SNX8: variants seen among roughly 807,000 people sequenced by gnomAD.
SNX8 encodes sorting nexin 8.
Under a neutral mutation model 51.6 loss-of-function variants are expected in SNX8, and 25 were observed. That is an observed-to-expected ratio of 0.48 (90% CI 0.35 to 0.68). The LOEUF is 0.68. SNX8 is among the 30% of genes least tolerant of loss of function. SNX8 has a pLI of 0.00. For synonymous variants in SNX8, 324 were observed against 277.0 expected, an observed-to-expected ratio of 1.17 and a Z score of -1.68; for missense variants, 695 against 624.0, an observed-to-expected ratio of 1.11 and a Z score of -1.21.
At chr7:2,274,741 G>A (rs970934418) in intron 3 of SNX8, among the ~76,000 whole-genome samples, 1 of 152,208 alleles carries the variant, frequency 6.6e-6, no homozygotes, top group Non-Finnish European at 1.5e-5. Flanking sequence ...ATGCAGGCAG[G>A]GCAATGCCAG....
At chr7:2,294,796 AG>A (rs1379640550) in intron 1 of SNX8, among the ~76,000 whole-genome samples, 1 of 152,144 alleles carries the variant, frequency 6.6e-6, no homozygotes, top group Non-Finnish European at 1.5e-5. Flanking sequence ...GCACTTTGTG[AG>A]GCCAAACAGG....
chr7:2,269,525 A>G, intron 5 of SNX8, 34 bp downstream of exon 5: 1 of 1,030,312 alleles, frequency 9.7e-7, no homozygotes, highest in Non-Finnish European at 1.3e-6. Context: ...AAATAAATTA[A>G]AAAAAAAAAA....
intron 1 of SNX8, among the ~76,000 whole-genome samples, chr7:2,326,481 C>A (rs548620003): frequency 2.0e-5 from 3 of 151,466 alleles, no homozygotes; most frequent in African/African-American, 7.3e-5. Flanking sequence ...CTGGCTAACG[C>A]GGTGAAACCC....
intron 2 of SNX8, among the ~76,000 whole-genome samples, chr7:2,277,366 A>G (rs902136762): frequency 2.6e-5 from 4 of 152,202 alleles, no homozygotes; most frequent in Admixed American, 2.0e-4. Context: ...TGATCCTGCC[A>G]TGCAAATTTC....
At chr7:2,330,589 G>A (rs917106539) in intron 1 of SNX8, among the ~76,000 whole-genome samples, 1 of 152,110 alleles carries the variant, frequency 6.6e-6, no homozygotes, top group African/African-American at 2.4e-5. Flanking sequence ...CCAGACTTGT[G>A]ATCAGGGTCT....
In SNX8 at chr7:2,264,526, C is replaced by T. The variant is rs977585539; in HGVS notation, c.622-68G>A. 2.3e-5 allele frequency: 35 copies of T among 1,514,404 alleles called. No homozygotes were observed. In the African/African-American group the frequency reaches 2.5e-4, roughly 11 times the overall value. The allele number at this position is 1,514,404 out of a possible 1,614,324, so 93.8% of individuals were successfully genotyped here. A position where few individuals can be genotyped will look rare whatever the true frequency, so the allele number is the denominator to read the frequency against. Reference sequence around the variant, plus strand: ...GGAGCACCTGTCAGACGGCAGCAGCCGGTCCCCCAGAAGCTGAGCCACGGG... The same window carrying T: ...GGAGCACCTGTCAGACGGCAGCAGCTGGTCCCCCAGAAGCTGAGCCACGGG... On this transcript the variant is annotated intron_variant, in intron 5 of 10. Coordinates refer to ENST00000222990, the MANE Select transcript of SNX8 (RefSeq NM_013321.4).
At chr7:2,296,823 A>G (rs1008027996) in intron 1 of SNX8, among the ~76,000 whole-genome samples, 4 of 151,684 alleles carry the variant, frequency 2.6e-5, no homozygotes, top group Admixed American at 2.0e-4. Flanking sequence ...CCAGCTACTC[A>G]GGAGGCTGAG....
At chr7:2,352,423 G>C (rs1779165477) in intron 1 of SNX8, among the ~76,000 whole-genome samples, 1 of 152,038 alleles carries the variant, frequency 6.6e-6, no homozygotes, top group Non-Finnish European at 1.5e-5. Flanking sequence ...GAGAGACACA[G>C]ACACACCACC....
intron 5 of SNX8, among the ~76,000 whole-genome samples, chr7:2,266,351 A>AT (rs60169934): frequency 0.71 from 104,976 of 148,328 alleles, 37,414 homozygotes; most frequent in Non-Finnish European, 0.77. Context: ...AGCCTGGCTA[A>AT]TTTTTTTTTT....
At chr7:2,266,448 G>A (rs1006205303) in intron 5 of SNX8, among the ~76,000 whole-genome samples, 90 of 152,166 alleles carry the variant, frequency 5.9e-4, no homozygotes, top group African/African-American at 2.1e-3. Flanking sequence ...CTAGGTTCAA[G>A]CAATTCTCCT....
At chr7:2,314,258 C>G (rs1216713977) in intron 1 of SNX8, 70 bp downstream of exon 1, 1 of 1,209,136 alleles carries the variant, frequency 8.3e-7, no homozygotes, top group African/African-American at 1.6e-5. Flanking sequence ...GGCGGCTGAG[C>G]CCCGTCCGCC....
Position 2,263,298 on chromosome 7 carries a change from A to AC in SNX8, c.846dup (p.Ser283ValfsTer25). 1 of 1,613,584 alleles carries AC rather than the reference A, an allele frequency of 6.2e-7. No homozygotes were observed. Among genetic ancestry groups the AC allele is most frequent in the Non-Finnish European group, 8.5e-7 (1 of 1,179,932 alleles). On this transcript the variant is annotated frameshift_variant, in exon 7 of 11. Coordinates refer to ENST00000222990, the MANE Select transcript of SNX8 (RefSeq NM_013321.4). LOFTEE classifies it high-confidence loss of function. ...AGGCCTTTCAGAGCCTGCTTCAGGG[A>AC]CCCCCACGTGCTGCTATTCAGAGCG...
At chr7:2,314,256 A>C (rs931744714) in intron 1 of SNX8, 72 bp downstream of exon 1, 34 of 1,207,958 alleles carry the variant, frequency 2.8e-5, no homozygotes, top group Non-Finnish European at 3.3e-5. Context: ...GCGGCGGCTG[A>C]GCCCCGTCCG....
Position 2,303,521 on chromosome 7 carries a change from A to G in SNX8, c.94+10807T>C, listed in dbSNP as rs372601225. Among the ~76,000 whole-genome samples, 246 of 152,360 alleles carry G rather than the reference A, an allele frequency of 1.6e-3. 8 individuals carry two copies. In the East Asian group the frequency reaches 0.041, roughly 25 times the overall value. On this transcript the variant is annotated intron_variant, in intron 1 of 10. Transcript: ENST00000222990. The stretch of plus-strand genomic sequence containing the variant: ...GTTTTGTGGAATAGAAGGGCGGGAA[A>G]GGTGGGGAAAAGATTGAGAAATCGG...
At chr7:2,346,708 T>C (rs1382387525) in intron 1 of SNX8, among the ~76,000 whole-genome samples, 1 of 127,364 alleles carries the variant, frequency 7.9e-6, no homozygotes, top group African/African-American at 2.9e-5. Flanking sequence ...ATTGCGCCAC[T>C]GCACTCCAGC....
chr7:2,317,310 A>G, upstream of SNX8, among the ~76,000 whole-genome samples: 1 of 97,362 alleles, frequency 1.0e-5, no homozygotes, highest in South Asian at 3.7e-4. Flanking sequence ...ACAGAGTCTC[A>G]CTCTGTTGCC....
chr7:2,328,696 A>G (rs1778672151), intron 1 of SNX8, among the ~76,000 whole-genome samples: 1 of 152,100 alleles, frequency 6.6e-6, no homozygotes, highest in African/African-American at 2.4e-5. Context: ...TCACGCCTGT[A>G]ATCCCAGCAC....
chr7:2,312,983 T>C (rs566155246), intron 1 of SNX8, among the ~76,000 whole-genome samples: 18 of 152,070 alleles, frequency 1.2e-4, no homozygotes, highest in East Asian at 3.9e-4. Flanking sequence ...CTACAAGCTC[T>C]GCCTCCCGGG....
intron 4 of SNX8, among the ~76,000 whole-genome samples, chr7:2,271,370 T>G (rs2115120858): frequency 6.6e-6 from 1 of 152,328 alleles, no homozygotes; most frequent in East Asian, 1.9e-4. Flanking sequence ...ACAATAAGGC[T>G]GTGCCGCAGC....
Sources: allele counts gnomAD v4.1 joint callset (sites outside exome capture counted in the v4.1 genomes callset), GRCh38; gene constraint gnomAD v4.1.1; transcripts MANE v1.5; gene names NCBI Gene and HGNC (gene_info 2026-07-23, HGNC 2026-07-21).